The following SLC4A10 variants were observed in gnomAD, a reference collection of about 807,000 sequenced individuals.
The protein encoded by SLC4A10 is solute carrier family 4 member 10.
Under a neutral mutation model 137.7 loss-of-function variants are expected in SLC4A10, and 42 were observed. The observed-to-expected ratio is 0.30, with a 90% confidence interval of 0.24 to 0.39. SLC4A10 has a LOEUF of 0.39. SLC4A10 is among the 10% of genes least tolerant of loss of function. SLC4A10 has a pLI of 1.00. For missense variants in SLC4A10, 925 were observed against 1,355.0 expected, an observed-to-expected ratio of 0.68 and a Z score of 4.98; for synonymous variants, 474 against 464.1, an observed-to-expected ratio of 1.02 and a Z score of -0.27.
chr2:161,763,990 C>G (rs940373225), intron 1 of SLC4A10, among the ~76,000 whole-genome samples: 3 of 152,052 alleles, frequency 2.0e-5, no homozygotes, highest in African/African-American at 7.2e-5. Context: ...TTTGACATGG[C>G]AATCCCACTT....
At chr2:161,820,690 T>C (rs2057539493) in intron 3 of SLC4A10, among the ~76,000 whole-genome samples, 1 of 152,250 alleles carries the variant, frequency 6.6e-6, no homozygotes, top group Non-Finnish European at 1.5e-5. Flanking sequence ...TGCATTCTAC[T>C]ATTGATGGTC....
intron 1 of SLC4A10, among the ~76,000 whole-genome samples, chr2:161,634,898 C>G (rs376990532): frequency 6.6e-6 from 1 of 151,996 alleles, no homozygotes; most frequent in Non-Finnish European, 1.5e-5. Context: ...AACCACTATT[C>G]TATTCTCTAC....
At chr2:161,874,621 T>C (rs2061351099) in intron 8 of SLC4A10, among the ~76,000 whole-genome samples, 1 of 152,236 alleles carries the variant, frequency 6.6e-6, no homozygotes, top group Non-Finnish European at 1.5e-5. Context: ...TTTCATCTTT[T>C]AATAGGCAAG....
chr2:161,825,619 G>A (rs2057967098), intron 3 of SLC4A10, among the ~76,000 whole-genome samples: 1 of 151,964 alleles, frequency 6.6e-6, no homozygotes, highest in Non-Finnish European at 1.5e-5. Context: ...CATGTGTGTG[G>A]CTTATGTATG....
At chr2:161,743,825 TG>T (rs1209494090) in intron 1 of SLC4A10, among the ~76,000 whole-genome samples, 2 of 152,160 alleles carry the variant, frequency 1.3e-5, no homozygotes, top group Admixed American at 1.3e-4. Flanking sequence ...TTCAATGTTT[TG>T]TCTTTTTAAT....
chr2:161,847,373 AG>A (rs2059571617), intron 4 of SLC4A10, among the ~76,000 whole-genome samples: 1 of 151,780 alleles, frequency 6.6e-6, no homozygotes. Flanking sequence ...TTTAGGTTCA[AG>A]GGGTATATGT....
At chr2:161,863,452 T>C (rs2060548216) in intron 6 of SLC4A10, among the ~76,000 whole-genome samples, 1 of 152,230 alleles carries the variant, frequency 6.6e-6, no homozygotes, top group Non-Finnish European at 1.5e-5. Context: ...AAAGGAATCA[T>C]GATCATCATC....
At chr2:161,971,558 T>C (rs1459997482) in intron 23 of SLC4A10, among the ~76,000 whole-genome samples, 1 of 152,236 alleles carries the variant, frequency 6.6e-6, no homozygotes, top group Non-Finnish European at 1.5e-5. Context: ...AGCTGGCAAC[T>C]ACTCAGTTAG....
chr2:161,860,313 C>T (rs564627086), intron 5 of SLC4A10, among the ~76,000 whole-genome samples: 1 of 152,086 alleles, frequency 6.6e-6, no homozygotes, highest in South Asian at 2.1e-4. Context: ...AGATAGTGAC[C>T]TATGGCTTTT....
intron 1 of SLC4A10, among the ~76,000 whole-genome samples, chr2:161,632,557 T>C (rs1442760568): frequency 2.0e-5 from 3 of 151,670 alleles, no homozygotes; most frequent in South Asian, 4.1e-4. Flanking sequence ...GTTAAAAACA[T>C]GTCATATATA....
intron 5 of SLC4A10, among the ~76,000 whole-genome samples, chr2:161,859,670 G>T (rs1482029847): frequency 2.2e-5 from 3 of 134,140 alleles, no homozygotes; most frequent in Non-Finnish European, 4.6e-5. Flanking sequence ...GCGCAATCTC[G>T]GCTCACTGCA....
chr2:161,808,470 C>T (rs1402403428), intron 3 of SLC4A10, among the ~76,000 whole-genome samples: 1 of 152,054 alleles, frequency 6.6e-6, no homozygotes, highest in Non-Finnish European at 1.5e-5. Flanking sequence ...AGGTTTGTTA[C>T]ATAAGTATGT....
At chr2:161,841,235 G>A (rs913147948) in intron 4 of SLC4A10, among the ~76,000 whole-genome samples, 8 of 151,848 alleles carry the variant, frequency 5.3e-5, no homozygotes, top group African/African-American at 1.7e-4. Context: ...CTGCCACCGC[G>A]CCCAGCTAAT....
At chr2:161,770,913 T>C in intron 1 of SLC4A10, 60 bp from the exon 2 acceptor site, 2 of 1,258,708 alleles carry the variant, frequency 1.6e-6, no homozygotes, top group Non-Finnish European at 2.2e-6. Flanking sequence ...CAAGGTTTGT[T>C]TTTTGAAATT....
intron 1 of SLC4A10, among the ~76,000 whole-genome samples, chr2:161,751,198 A>T (rs531983571): frequency 1.3e-5 from 2 of 151,714 alleles, no homozygotes; most frequent in Non-Finnish European, 3.0e-5. Context: ...TTTTCATTCA[A>T]CTGCTCTCTA....
chr2:161,728,694 C>T (rs1287051573), intron 1 of SLC4A10, among the ~76,000 whole-genome samples: 2 of 152,116 alleles, frequency 1.3e-5, no homozygotes, highest in South Asian at 2.1e-4. Context: ...AAAGACACTT[C>T]CCAAATCATT....
chr2:161,864,220 G>T (rs1462492564), intron 6 of SLC4A10, among the ~76,000 whole-genome samples: 2 of 151,970 alleles, frequency 1.3e-5, no homozygotes, highest in Non-Finnish European at 2.9e-5. Context: ...AAAGTTTCCA[G>T]TTCTAAAAGA....
chr2:161,881,561 A>G (rs1010446475), intron 9 of SLC4A10, among the ~76,000 whole-genome samples: 1 of 152,078 alleles, frequency 6.6e-6, no homozygotes, highest in Non-Finnish European at 1.5e-5. Flanking sequence ...CTTCATACTT[A>G]ACAGCATAAA....
intron 5 of SLC4A10, among the ~76,000 whole-genome samples, chr2:161,859,704 C>T (rs1012106617): frequency 2.7e-5 from 4 of 148,910 alleles, no homozygotes; most frequent in African/African-American, 4.9e-5. Flanking sequence ...GGGTTCACGC[C>T]ATTCCCCTGC....
Sources: allele counts gnomAD v4.1 joint callset (sites outside exome capture counted in the v4.1 genomes callset), GRCh38; gene constraint gnomAD v4.1.1; transcripts MANE v1.5; gene names NCBI Gene and HGNC (gene_info 2026-07-23, HGNC 2026-07-21).